The following MYBPC1 variants were observed in gnomAD, a reference collection of about 807,000 sequenced individuals.
The protein encoded by MYBPC1 is myosin-binding protein C, slow-type.
MYBPC1 carries 52 observed loss-of-function variants against 147.1 expected under a neutral mutation model. The ratio of observed to expected loss-of-function variants is 0.35; its 90% CI spans 0.28 to 0.45. The LOEUF (loss-of-function observed/expected upper bound fraction) is 0.45. Ranked by LOEUF, MYBPC1 falls within the 20% of genes least tolerant of loss-of-function variation. MYBPC1 has a pLI of 1.00. For missense variants in MYBPC1, 1,228 were observed against 1,440.3 expected (o/e 0.85, Z 2.39); for synonymous variants, 477 against 475.9 (o/e 1.00, Z -0.03).
intron 2 of MYBPC1, 144 bp downstream of exon 2, chr12:101,614,675 G>A (rs1442949652): frequency 1.0e-5 from 8 of 801,664 alleles, no homozygotes; most frequent in African/African-American, 3.4e-5. Flanking sequence ...ATTGTGATAA[G>A]TTGAGAATAA....
intron 3 of MYBPC1, among the ~76,000 whole-genome samples, chr12:101,623,729 T>G (rs1014933843): frequency 1.1e-4 from 16 of 152,202 alleles, no homozygotes; most frequent in African/African-American, 3.9e-4. Flanking sequence ...ATCTTATATA[T>G]TTCAGTAAAT....
intron 3 of MYBPC1, among the ~76,000 whole-genome samples, chr12:101,620,918 A>G (rs1444696107): frequency 6.6e-6 from 1 of 152,140 alleles, no homozygotes; most frequent in Non-Finnish European, 1.5e-5. Context: ...CATTCACCAC[A>G]TAAACTATCG....
intron 1 of MYBPC1, among the ~76,000 whole-genome samples, chr12:101,608,676 G>A (rs1338730721): frequency 6.6e-6 from 1 of 152,216 alleles, no homozygotes; most frequent in Non-Finnish European, 1.5e-5. Context: ...CAGGTTCCTC[G>A]ACACAAGTTG....
At chr12:101,597,453 C>T (rs1877771104) in intron 1 of MYBPC1, among the ~76,000 whole-genome samples, 1 of 152,192 alleles carries the variant, frequency 6.6e-6, no homozygotes, top group Non-Finnish European at 1.5e-5. Flanking sequence ...TTTTCAGCAC[C>T]TGAAGGTACA....
chr12:101,622,517 T>C (rs1887659720), intron 3 of MYBPC1, among the ~76,000 whole-genome samples: 1 of 151,906 alleles, frequency 6.6e-6, no homozygotes, highest in African/African-American at 2.4e-5. Flanking sequence ...GGAGGATCAC[T>C]TGAGCTCAAG....
intron 28 of MYBPC1, 69 bp downstream of exon 28, chr12:101,678,307 C>A: frequency 6.3e-7 from 1 of 1,585,434 alleles, no homozygotes; most frequent in African/African-American, 1.3e-5. Flanking sequence ...ATGTAAGTAA[C>A]AATGTAAACA....
intron 24 of MYBPC1, 68 bp from the exon 25 acceptor site, chr12:101,673,359 A>G (rs1012130185): frequency 2.7e-5 from 42 of 1,544,270 alleles, no homozygotes; most frequent in Admixed American, 2.0e-4. Flanking sequence ...TGTCCTTCTC[A>G]TAATGCTGAA....
intron 1 of MYBPC1, among the ~76,000 whole-genome samples, chr12:101,613,180 C>A (rs1783533184): frequency 1.3e-5 from 2 of 152,316 alleles, no homozygotes; most frequent in Middle Eastern, 3.4e-3. Context: ...TGCATCCTGG[C>A]AGGCCTGCAT....
Position 101,685,591 on chromosome 12 carries a change from C to T in MYBPC1, c.*29C>T. On this transcript the variant is annotated 3_prime_UTR_variant, in exon 32 of 32. Coordinates refer to ENST00000361466, the MANE Select transcript of MYBPC1 (RefSeq NM_002465.4). ...TTTTGGTCCTCTCTAGGTGGGCTCT[C>T]CTTCTGCAGACTCCTCTTGCAAGGC... 1 of 1,531,750 alleles carries T rather than the reference C, an allele frequency of 6.5e-7. No homozygotes were observed. Among genetic ancestry groups the T allele is most frequent in the South Asian group, 1.2e-5 (1 of 83,914 alleles). The allele number at this position is 1,531,750 out of a possible 1,614,324, so 94.9% of individuals were successfully genotyped here. A position where few individuals can be genotyped will look rare whatever the true frequency, so the allele number is the denominator to read the frequency against.
intron 1 of MYBPC1, among the ~76,000 whole-genome samples, chr12:101,612,212 A>C (rs2135768189): frequency 6.6e-6 from 1 of 152,318 alleles, no homozygotes; most frequent in African/African-American, 2.4e-5. Flanking sequence ...AGCAGGAACT[A>C]CCCTATGCAT....
intron 1 of MYBPC1, among the ~76,000 whole-genome samples, chr12:101,609,780 A>T (rs1017724241): frequency 6.6e-6 from 1 of 152,224 alleles, no homozygotes; most frequent in Non-Finnish European, 1.5e-5. Context: ...TTTCTTAAAC[A>T]CAAGTATCTT....
rs760498145 is a variant in MYBPC1, at chr12:101,631,635, A to G, written c.354A>G (p.Lys118=). Reference sequence around the variant, plus strand: ...ATCTTCTGAGAAAACCCACTATCAAATGGTTCAAAGGAAAATGGATGGACC... The same window carrying G: ...ATCTTCTGAGAAAACCCACTATCAAGTGGTTCAAAGGAAAATGGATGGACC... ...AEDLLRKPTI[K]WFKGKWMDLA... The change falls in exon 7 of 32, where the codon AAA becomes AAG. Residue 118 remains lysine, a synonymous_variant. Transcript: ENST00000361466. 3 of 1,614,186 alleles carry G rather than the reference A, an allele frequency of 1.9e-6. No homozygotes were observed. Among genetic ancestry groups the G allele is most frequent in the Non-Finnish European group, 2.5e-6 (3 of 1,180,014 alleles).
At chr12:101,668,145 G>A (rs1350496562) in intron 23 of MYBPC1, among the ~76,000 whole-genome samples, 1 of 152,166 alleles carries the variant, frequency 6.6e-6, no homozygotes, top group Non-Finnish European at 1.5e-5. Context: ...GGTTCCAGGA[G>A]CCAACTCTGG....
Position 101,626,088 on chromosome 12 carries a change from C to CAAAAAAAAAAAAA in MYBPC1, c.104-772_104-760dup, listed in dbSNP as rs769008600. Among the ~76,000 whole-genome samples the CAAAAAAAAAAAAA allele has an allele frequency of 8.5e-4, 47 of 55,044 alleles. 1 individual carries two copies. The highest frequency in any genetic ancestry group is 1.8e-3 in the East Asian group (2 of 1,114). The allele number at this position is 55,044 out of a possible 152,430, so 36.1% of individuals were successfully genotyped here. A position where few individuals can be genotyped will look rare whatever the true frequency, so the allele number is the denominator to read the frequency against. ...GGGCAAAAAGAGTGAAACTCTGTCTCAAAAAAAAAAAAAAAAAAAAAAAAT... is the reference window on the plus strand; with the variant it reads ...GGGCAAAAAGAGTGAAACTCTGTCTCAAAAAAAAAAAAAAAAAAAAAAAAAAAAAAAAAAAAAT... On this transcript the variant is annotated intron_variant, in intron 3 of 31. Transcript: ENST00000361466.
intron 3 of MYBPC1, 58 bp from the exon 4 acceptor site, chr12:101,626,814 A>G (rs1888710368): frequency 1.5e-6 from 2 of 1,356,866 alleles, no homozygotes; most frequent in African/African-American, 2.9e-5. Context: ...CTCTTTTCTC[A>G]GGTTACTTGG....
chr12:101,627,100 T>C (rs143632699), intron 4 of MYBPC1, among the ~76,000 whole-genome samples, 190 bp downstream of exon 4: 1 of 152,334 alleles, frequency 6.6e-6, no homozygotes, highest in African/African-American at 2.4e-5. Flanking sequence ...GAGAAACTTC[T>C]TAGAAAGAGG....
chr12:101,647,176 C>T, intron 13 of MYBPC1: 1 of 429,266 alleles, frequency 2.3e-6, no homozygotes, highest in Non-Finnish European at 4.3e-6. Flanking sequence ...GTTTCACACA[C>T]TCAATTGATC....
At chr12:101,623,216 G>A (rs1443991966) in intron 3 of MYBPC1, among the ~76,000 whole-genome samples, 1 of 152,178 alleles carries the variant, frequency 6.6e-6, no homozygotes, top group Admixed American at 6.5e-5. Flanking sequence ...GCAGACGTCT[G>A]TAGTCTCAGC....
At chr12:101,649,510 G>A in intron 15 of MYBPC1, 84 bp downstream of exon 15, 2 of 1,490,530 alleles carry the variant, frequency 1.3e-6, no homozygotes, top group South Asian at 1.1e-5. Context: ...GTTTCTATTT[G>A]ATTTCTATTT....
Sources: allele counts gnomAD v4.1 joint callset (sites outside exome capture counted in the v4.1 genomes callset), GRCh38; gene constraint gnomAD v4.1.1; transcripts MANE v1.5; gene names NCBI Gene and HGNC (gene_info 2026-07-23, HGNC 2026-07-21).